EXOC6: variants seen among roughly 807,000 people sequenced by gnomAD.
EXOC6 encodes the protein exocyst complex component 6, also known as SEC15-like 1.
Under a neutral mutation model 112.5 loss-of-function variants are expected in EXOC6, and 60 were observed. The observed-to-expected ratio is 0.53, with a 90% CI of 0.43 to 0.66. The LOEUF (loss-of-function observed/expected upper bound fraction) is 0.66. EXOC6 is among the 30% of genes least tolerant of loss of function. The pLI, the probability that EXOC6 is intolerant of heterozygous loss-of-function variation, is 0.00. For synonymous variants in EXOC6, 295 were observed against 308.0 expected, an observed-to-expected ratio of 0.96 and a Z score of 0.44; for missense variants, 855 against 957.1, an observed-to-expected ratio of 0.89 and a Z score of 1.41.
intron 20 of EXOC6, among the ~76,000 whole-genome samples, chr10:93,034,776 A>C (rs919885417): frequency 6.6e-5 from 10 of 152,192 alleles, no homozygotes; most frequent in Admixed American, 5.9e-4. Context: ...TAATTAAACA[A>C]ATCTTCTTTT....
At chr10:93,032,062 T>C (rs835272) in intron 20 of EXOC6, among the ~76,000 whole-genome samples, 3,184 of 151,186 alleles carry the variant, frequency 0.021, 110 homozygotes, top group African/African-American at 0.073. Flanking sequence ...TTTGTAGTTT[T>C]CTATTGATTT....
At chr10:92,876,606 G>A (rs1458370044) in intron 1 of EXOC6, among the ~76,000 whole-genome samples, 1 of 152,156 alleles carries the variant, frequency 6.6e-6, no homozygotes, top group Non-Finnish European at 1.5e-5. Flanking sequence ...TAAAGAATGT[G>A]ATCGGAATTG....
Position 92,928,391 on chromosome 10 carries a change from C to G in EXOC6, c.941C>G (p.Ala314Gly). Residue 314 changes from alanine to glycine, a missense_variant, in exon 9 of 22, where the codon GCA (alanine) becomes GGA (glycine). By Grantham distance (60) the Ala-to-Gly change is moderately conservative. This residue lies in a region of EXOC6 where 405 missense variants were observed against 393.6 expected (regional missense o/e 1.03). Coordinates refer to ENST00000260762, the MANE Select transcript of EXOC6 (RefSeq NM_019053.6). ...NYYRKQRKKQ[A>G]RLVLQPQSNM... is the part of the protein sequence containing the mutation. ...TATCGAAAACAAAGAAAGAAACAAG[C>G]AAGACTGGTATTGCAACCCCAGTCG... 1.9e-6 allele frequency: 3 copies of G among 1,609,440 alleles called. No individual in the cohort carries two copies.
Position 92,934,316 on chromosome 10 carries a change from T to C in EXOC6, c.1026T>C (p.Phe342=). 6.3e-7 allele frequency: 1 copy of C among 1,579,944 alleles called. No individual in the cohort carries two copies. The highest frequency in any genetic ancestry group is 1.2e-5 in the South Asian group (1 of 83,418). Residue 342 remains phenylalanine (F), a synonymous_variant, in exon 11 of 22, where the codon TTT becomes TTC. Transcript: ENST00000260762. Reference sequence around the variant, plus strand: ...TGGTAATTACTGTTTTTAGGTTCTTTGTGGTAGAAGATCACATTTTACATG... The same window carrying C: ...TGGTAATTACTGTTTTTAGGTTCTTCGTGGTAGAAGATCACATTTTACATG... The part of the protein sequence containing the change: ...RRYFTQIVGF[F]VVEDHILHVT...
At chr10:92,959,874 G>T (rs1853889788) in intron 17 of EXOC6, among the ~76,000 whole-genome samples, 1 of 152,212 alleles carries the variant, frequency 6.6e-6, no homozygotes, top group Non-Finnish European at 1.5e-5. Flanking sequence ...CGCTGACAGG[G>T]ATGTGGAGCA....
intron 18 of EXOC6, among the ~76,000 whole-genome samples, chr10:92,995,047 C>G (rs1187026791): frequency 6.6e-6 from 1 of 151,182 alleles, no homozygotes; most frequent in Non-Finnish European, 1.5e-5. Context: ...AAATTTTGAG[C>G]TATTTATTTC....
In EXOC6 at chr10:92,870,734, G is replaced by T. The variant is rs193122765; in HGVS notation, c.101+22100G>T. ...TTATCTTTTTTTTTTTTTTGAGATGGAGTCTCGCTCTGTCACCAGGCTGGA... is the reference window on the plus strand; with the variant it reads ...TTATCTTTTTTTTTTTTTTGAGATGTAGTCTCGCTCTGTCACCAGGCTGGA... On this transcript the variant is annotated intron_variant, in intron 1 of 21. Transcript: ENST00000260762. Among the ~76,000 whole-genome samples, 434 of 150,268 alleles carry T rather than the reference G, an allele frequency of 2.9e-3. 2 individuals are homozygous for T. Among genetic ancestry groups the T allele is most frequent in the African/African-American group, 0.01 (416 of 40,804 alleles).
intron 20 of EXOC6, 79 bp downstream of exon 20, chr10:93,014,346 A>G (rs1844404179): frequency 2.8e-6 from 3 of 1,075,656 alleles, no homozygotes; most frequent in Middle Eastern, 4.0e-4. Flanking sequence ...TATTAATGCT[A>G]CAGGAATGCC....
intron 20 of EXOC6, among the ~76,000 whole-genome samples, chr10:93,051,486 G>A: frequency 6.6e-6 from 1 of 152,280 alleles, no homozygotes; most frequent in Middle Eastern, 3.4e-3. Context: ...GTGGCTGGAG[G>A]CACAATACTG....
intron 8 of EXOC6, among the ~76,000 whole-genome samples, chr10:92,924,920 A>G (rs1174347780): frequency 6.6e-6 from 1 of 152,142 alleles, no homozygotes; most frequent in Admixed American, 6.5e-5. Context: ...AACATGCAGT[A>G]TTTGGTTTTC....
intron 9 of EXOC6, among the ~76,000 whole-genome samples, chr10:92,929,324 A>G (rs1020779176): frequency 3.3e-5 from 5 of 152,198 alleles, no homozygotes; most frequent in Admixed American, 2.6e-4. Flanking sequence ...TGTGTTTGCA[A>G]CCCAAATTCA....
chr10:92,925,337 C>G (rs749990651), intron 8 of EXOC6, among the ~76,000 whole-genome samples: 13 of 151,938 alleles, frequency 8.6e-5, no homozygotes, highest in Non-Finnish European at 1.9e-4. Context: ...CTCTGTTGCC[C>G]AGGCTGGAGT....
intron 20 of EXOC6, among the ~76,000 whole-genome samples, chr10:93,034,381 A>T (rs186642262): frequency 1.4e-3 from 210 of 152,190 alleles, no homozygotes; most frequent in African/African-American, 4.8e-3. Flanking sequence ...CCCCTCACCC[A>T]TTTTCTTTTA....
intron 4 of EXOC6, among the ~76,000 whole-genome samples, chr10:92,896,061 ATATATATGTG>A (rs1849744075): frequency 1.7e-4 from 7 of 40,194 alleles, no homozygotes; most frequent in Admixed American, 3.8e-4. Flanking sequence ...ATATATGTGT[ATATATATGTG>A]TATATATATG....
chr10:92,966,655 A>G (rs1292863621), intron 17 of EXOC6, among the ~76,000 whole-genome samples: 2 of 149,912 alleles, frequency 1.3e-5, no homozygotes, highest in Admixed American at 6.7e-5. Flanking sequence ...TCCATGATGT[A>G]TATGTGCCAC....
chr10:92,826,877 G>A (rs920835676), exon 1 of EXOC6, among the ~76,000 whole-genome samples: 2 of 152,176 alleles, frequency 1.3e-5, no homozygotes, highest in East Asian at 1.9e-4. Context: ...TAAACCCTGA[G>A]GTGGAGCATG....
At chr10:92,916,327 T>C (rs909584932) in intron 7 of EXOC6, among the ~76,000 whole-genome samples, 8 of 152,224 alleles carry the variant, frequency 5.3e-5, no homozygotes, top group African/African-American at 1.9e-4. Flanking sequence ...CTGGCCAACA[T>C]GGTGAAACCC....
chr10:93,051,571 G>A (rs1487713075), intron 20 of EXOC6, among the ~76,000 whole-genome samples: 2 of 152,210 alleles, frequency 1.3e-5, no homozygotes, highest in African/African-American at 4.8e-5. Flanking sequence ...TACATGTGGA[G>A]TTTTCCAAAT....
chr10:92,893,556 C>T (rs1218227369), intron 2 of EXOC6, 36 bp downstream of exon 2: 1 of 1,523,990 alleles, frequency 6.6e-7, no homozygotes, highest in Non-Finnish European at 8.9e-7. Context: ...CCTTTGTTCT[C>T]ATTAAATTAC....
Sources: allele counts gnomAD v4.1 joint callset (sites outside exome capture counted in the v4.1 genomes callset), GRCh38; gene constraint gnomAD v4.1.1; regional missense constraint gnomAD v4.1.1; transcripts MANE v1.5; gene names NCBI Gene and HGNC (gene_info 2026-07-23, HGNC 2026-07-21).